PTPRT: variants seen among roughly 807,000 people sequenced by gnomAD.
PTPRT encodes the protein receptor-type tyrosine-protein phosphatase T.
A neutral mutation model predicts 176.8 loss-of-function variants in PTPRT; 56 were observed. That is an observed-to-expected ratio of 0.32 (90% CI 0.26 to 0.40). PTPRT has a LOEUF of 0.40. Among genes scored for constraint, PTPRT ranks in the 10% least tolerant of loss-of-function variants. The probability of loss-of-function intolerance (pLI) is 1.00; values close to 1 mark genes in which losing one functional copy is unlikely to be tolerated. For missense variants in PTPRT, 1,540 were observed against 1,908.2 expected, an observed-to-expected ratio of 0.81 and a Z score of 3.60; for synonymous variants, 783 against 739.0, an observed-to-expected ratio of 1.06 and a Z score of -0.96.
At chr20:42,035,089 A>G in the PTPRT span, among the ~76,000 whole-genome samples, 1 of 152,118 alleles carries the variant, frequency 6.6e-6, no homozygotes, top group Non-Finnish European at 1.5e-5. Context: ...GTTCAAAAAC[A>G]TCTCTCAGGA....
At chr20:42,191,175 T>TAA (rs112372647) in intron 16 of PTPRT, among the ~76,000 whole-genome samples, 4 of 137,076 alleles carry the variant, frequency 2.9e-5, no homozygotes, top group Non-Finnish European at 4.8e-5. Context: ...CAACCAGAAA[T>TAA]AAAAAAAAAA....
intron 14 of PTPRT, among the ~76,000 whole-genome samples, chr20:42,244,020 G>A (rs1444337968): frequency 1.3e-5 from 2 of 152,196 alleles, no homozygotes; most frequent in Non-Finnish European, 2.9e-5. Context: ...GAATGTTTCT[G>A]TAGATATTGT....
At chr20:42,402,170 C>T (rs2058914978) in intron 9 of PTPRT, among the ~76,000 whole-genome samples, 1 of 152,118 alleles carries the variant, frequency 6.6e-6, no homozygotes, top group Admixed American at 6.6e-5. Context: ...GAGAGAAGGA[C>T]AGAGACTCAG....
chr20:42,731,738 T>A (rs370370284), intron 6 of PTPRT, among the ~76,000 whole-genome samples: 93 of 152,286 alleles, frequency 6.1e-4, no homozygotes, highest in African/African-American at 2.2e-3. Flanking sequence ...CTTAAGTGAT[T>A]TGATTCCTGA....
chr20:42,963,024 C>T (rs979532567), intron 1 of PTPRT, among the ~76,000 whole-genome samples: 3 of 152,000 alleles, frequency 2.0e-5, no homozygotes, highest in South Asian at 2.1e-4. Flanking sequence ...TGGTGAAACC[C>T]CGTCTCTATT....
intron 3 of PTPRT, among the ~76,000 whole-genome samples, chr20:42,787,457 C>T (rs753302983): frequency 3.5e-4 from 53 of 152,178 alleles, no homozygotes; most frequent in African/African-American, 1.2e-3. Context: ...TCTGACTCCT[C>T]AGAACTCCCA....
At chr20:42,455,406 T>C (rs570736655) in intron 8 of PTPRT, among the ~76,000 whole-genome samples, 118 of 152,280 alleles carry the variant, frequency 7.7e-4, no homozygotes, top group African/African-American at 2.6e-3. Context: ...CTCTTTCTTA[T>C]GAGTGTGTCC....
Position 42,924,567 on chromosome 20 carries a change from C to T in PTPRT, c.89-38635G>A, listed in dbSNP as rs144447563. Among the ~76,000 whole-genome samples, 47 of 152,296 alleles carry T rather than the reference C, an allele frequency of 3.1e-4. No individual in the cohort carries two copies. In the East Asian group the frequency reaches 7.1e-3, roughly 23 times the overall value. On this transcript the variant is annotated intron_variant, in intron 1 of 30. Coordinates refer to ENST00000373187, the MANE Select transcript of PTPRT (RefSeq NM_007050.6). ...TCTATCTCTGCCATGATGGCTTAAG[C>T]GTAAGTGAAATCACTTTGACTCACA... is the stretch of plus-strand genomic sequence containing the variant.
intron 1 of PTPRT, among the ~76,000 whole-genome samples, chr20:43,176,945 A>C (rs1568828052): frequency 6.6e-6 from 1 of 152,218 alleles, no homozygotes. Flanking sequence ...AGGCCAGAAA[A>C]AGCCAGCCCA....
chr20:42,595,433 G>A (rs959908695), intron 7 of PTPRT, among the ~76,000 whole-genome samples: 1 of 151,964 alleles, frequency 6.6e-6, no homozygotes, highest in South Asian at 2.1e-4. Flanking sequence ...GTCCAGATAC[G>A]GTCAAATGTC....
chr20:42,183,657 A>G (rs1990612466), intron 16 of PTPRT, among the ~76,000 whole-genome samples: 1 of 152,164 alleles, frequency 6.6e-6, no homozygotes, highest in South Asian at 2.1e-4. Flanking sequence ...TTTTAGAATA[A>G]TGTCATAGCT....
intron 7 of PTPRT, among the ~76,000 whole-genome samples, chr20:42,648,820 G>GTTTTTTTTTTTTTTTTTTTTTTTTTTTT (rs68036487): frequency 1.8e-5 from 2 of 111,834 alleles, no homozygotes; most frequent in African/African-American, 7.5e-5. Context: ...TGGTGTCGTT[G>GTTTTTTTTTTTTTTTTTTTTTTTTTTTT]TTTTTTTTTT....
At chr20:42,989,809 G>C (rs1353701436) in intron 1 of PTPRT, among the ~76,000 whole-genome samples, 1 of 152,194 alleles carries the variant, frequency 6.6e-6, no homozygotes, top group African/African-American at 2.4e-5. Flanking sequence ...TTATAAGCTG[G>C]AATTTTGAGA....
In PTPRT at chr20:42,446,580, A is replaced by ATGTGTGTG. The variant is rs372328206; in HGVS notation, c.1560+1632_1560+1639dup. ...CACAACACATCTTTATTTCATGTAA[A>ATGTGTGTG]TGTGTGTGTGTGTGTGTGTGTGTGT... On this transcript the variant is annotated intron_variant, in intron 9 of 30. Coordinates refer to ENST00000373187, the MANE Select transcript of PTPRT (RefSeq NM_007050.6). Among the ~76,000 whole-genome samples the ATGTGTGTG allele has an allele frequency of 5.3e-3, 742 of 139,530 alleles. 11 individuals are homozygous for ATGTGTGTG. Among genetic ancestry groups the ATGTGTGTG allele is most frequent in the African/African-American group, 0.013 (452 of 36,050 alleles). The allele number at this position is 139,530 out of a possible 152,430, so 91.5% of individuals were successfully genotyped here. A position where few individuals can be genotyped will look rare whatever the true frequency, so the allele number is the denominator to read the frequency against.
At chr20:42,632,243 GTTT>G (rs1269049593) in intron 7 of PTPRT, among the ~76,000 whole-genome samples, 1 of 152,018 alleles carries the variant, frequency 6.6e-6, no homozygotes, top group South Asian at 2.1e-4. Context: ...TTGTTGTTTT[GTTT>G]TTTTGTTTTT....
At chr20:42,139,000 T>C (rs1988502917) in intron 18 of PTPRT, among the ~76,000 whole-genome samples, 2 of 152,326 alleles carry the variant, frequency 1.3e-5, no homozygotes, top group Middle Eastern at 3.4e-3. Context: ...AGAATATTTC[T>C]ATTTATCAAG....
chr20:42,372,613 T>C (rs73119308), intron 9 of PTPRT, among the ~76,000 whole-genome samples: 7,627 of 152,236 alleles, frequency 0.05, 265 homozygotes, highest in Non-Finnish European at 0.07. Flanking sequence ...ATAAAGGGTT[T>C]TTAATTCAAT....
At chr20:42,894,820 T>C (rs975478364) in intron 1 of PTPRT, among the ~76,000 whole-genome samples, 2 of 152,172 alleles carry the variant, frequency 1.3e-5, no homozygotes, top group South Asian at 4.1e-4. Flanking sequence ...GGGGGTAGGC[T>C]CTGCCCCTTC....
intron 15 of PTPRT, among the ~76,000 whole-genome samples, chr20:42,220,070 T>C (rs2055852256): frequency 6.6e-6 from 1 of 151,800 alleles, no homozygotes; most frequent in Non-Finnish European, 1.5e-5. Context: ...CATATAAAAA[T>C]CGGTTTCACT....
Sources: gnomAD v4.1 joint callset for allele counts (sites outside exome capture counted in the v4.1 genomes callset) on GRCh38, gnomAD v4.1.1 for gene constraint, MANE v1.5 for transcripts, NCBI Gene and HGNC (gene_info 2026-07-23, HGNC 2026-07-21) for gene names.